The following AFF3 variants were observed in gnomAD, a reference collection of about 807,000 sequenced individuals.
The protein encoded by AFF3 is AF4/FMR2 family member 3.
In AFF3, 32 loss-of-function variants were observed where a neutral mutation model predicts 129.7. The observed-to-expected ratio is 0.25, with a 90% CI of 0.19 to 0.33. The LOEUF is 0.33. Ranked by LOEUF, AFF3 falls within the 10% of genes least tolerant of loss-of-function variation. The pLI is 1.00. For missense variants in AFF3, 1,373 were observed against 1,592.0 expected, an observed-to-expected ratio of 0.86 and a Z score of 2.34; for synonymous variants, 644 against 635.4, an observed-to-expected ratio of 1.01 and a Z score of -0.20.
chr2:100,124,567 G>A (rs2105567233), intron 2 of AFF3, among the ~76,000 whole-genome samples: 1 of 151,946 alleles, frequency 6.6e-6, no homozygotes, highest in South Asian at 2.1e-4. Flanking sequence ...AGCAAATTGT[G>A]GTTCCAATCC....
intron 4 of AFF3, among the ~76,000 whole-genome samples, chr2:100,049,849 C>G (rs1384440643): frequency 6.6e-6 from 1 of 152,126 alleles, no homozygotes; most frequent in Non-Finnish European, 1.5e-5. Context: ...TCTTACACCC[C>G]AAACTTCAAG....
chr2:100,023,787 T>A (rs180967108), intron 4 of AFF3, among the ~76,000 whole-genome samples: 3 of 152,228 alleles, frequency 2.0e-5, no homozygotes, highest in Admixed American at 2.0e-4. Flanking sequence ...TAAAATATCA[T>A]CAATACCTAA....
intron 8 of AFF3, among the ~76,000 whole-genome samples, chr2:99,765,002 T>A (rs1682895052): frequency 6.6e-6 from 1 of 152,204 alleles, no homozygotes; most frequent in South Asian, 2.1e-4. Context: ...CACTGCGTCA[T>A]TTCTGAGCCA....
In AFF3 at chr2:99,738,603, T is replaced by C. The variant is rs898375875; in HGVS notation, c.1039+5501A>G. On this transcript the variant is annotated intron_variant, in intron 10 of 24. Transcript: ENST00000672756. ...TCTTTCTTTTTGGCGTCACTGGTTA[T>C]ATATTCATATTTTTAAATAAAAAAT... Among the ~76,000 whole-genome samples the C allele has an allele frequency of 5.9e-5, 9 of 152,296 alleles. No individual in the cohort carries two copies. The East Asian group carries it at 1.2e-3, about 20-fold the overall frequency.
intron 4 of AFF3, among the ~76,000 whole-genome samples, chr2:100,103,709 G>A (rs1344048100): frequency 1.3e-5 from 2 of 152,066 alleles, no homozygotes; most frequent in South Asian, 2.1e-4. Context: ...GTGGCATAAA[G>A]GGATACCCGG....
chr2:99,774,565 T>TC (rs893404415), intron 8 of AFF3, among the ~76,000 whole-genome samples: 127 of 152,070 alleles, frequency 8.4e-4, no homozygotes, highest in African/African-American at 3.0e-3. Context: ...CTGGACCCCT[T>TC]CCTTACACCA....
At chr2:99,670,813 A>G (rs1369253666) in intron 12 of AFF3, among the ~76,000 whole-genome samples, 1 of 152,228 alleles carries the variant, frequency 6.6e-6, no homozygotes, top group East Asian at 1.9e-4. Flanking sequence ...TCATTCTGTC[A>G]GTTCCTTTTA....
chr2:99,568,783 T>C, intron 19 of AFF3, 69 bp downstream of exon 19: 1 of 1,431,492 alleles, frequency 7.0e-7, no homozygotes, highest in Non-Finnish European at 9.9e-7. Context: ...CCAGCTATAT[T>C]GTCCCAGTGA....
Position 99,607,766 on chromosome 2 carries a change from A to G in AFF3, c.1185-6145T>C, listed in dbSNP as rs950804204. Among the ~76,000 whole-genome samples, 6 of 152,238 alleles carry G rather than the reference A, an allele frequency of 3.9e-5. No homozygotes were observed. The East Asian group carries it at 1.2e-3, about 29-fold the overall frequency. ...TGGGCACTCCACTGGGATTGACTGA[A>G]TAACAATGTTTGCTCCTCCTCTTCA... On this transcript the variant is annotated intron_variant, in intron 13 of 24. Transcript: ENST00000672756.
intron 11 of AFF3, among the ~76,000 whole-genome samples, chr2:99,705,799 A>G (rs1378373361): frequency 7.0e-6 from 1 of 142,624 alleles, no homozygotes; most frequent in Admixed American, 7.6e-5. Flanking sequence ...ACTTGAACCC[A>G]GGAGGCGGAG....
At chr2:99,560,338 C>T (rs1314333634) in intron 21 of AFF3, 27 bp downstream of exon 21, 1 of 1,611,862 alleles carries the variant, frequency 6.2e-7, no homozygotes, top group Admixed American at 1.7e-5. Context: ...GCTGGGGCTG[C>T]TATTCTAAGC....
At chr2:99,987,455 G>C (rs142971598) in intron 7 of AFF3, among the ~76,000 whole-genome samples, 107 of 152,274 alleles carry the variant, frequency 7.0e-4, no homozygotes, top group Middle Eastern at 3.4e-3. Context: ...CTCCTGTAAT[G>C]CCAGTCTGAG....
intron 7 of AFF3, among the ~76,000 whole-genome samples, chr2:99,857,462 T>C (rs886946702): frequency 1.3e-5 from 2 of 152,268 alleles, no homozygotes; most frequent in Admixed American, 1.3e-4. Flanking sequence ...ACTACAGGGC[T>C]GTTTATTTCA....
At chr2:100,001,661 CGTGAT>C (rs1681429771) in intron 7 of AFF3, among the ~76,000 whole-genome samples, 1 of 152,164 alleles carries the variant, frequency 6.6e-6, no homozygotes, top group Admixed American at 6.5e-5. Context: ...CTCCTGACCT[CGTGAT>C]CCACCCGCCT....
At chr2:100,094,417 C>A (rs1376666054) in intron 4 of AFF3, among the ~76,000 whole-genome samples, 1 of 152,110 alleles carries the variant, frequency 6.6e-6, no homozygotes, top group African/African-American at 2.4e-5. Flanking sequence ...CCCACACATG[C>A]TCGGTTCACT....
chr2:99,615,111 C>A (rs1681286245), intron 13 of AFF3, among the ~76,000 whole-genome samples: 1 of 152,226 alleles, frequency 6.6e-6, no homozygotes, highest in Non-Finnish European at 1.5e-5. Context: ...GGGCAGAGCC[C>A]TCTAGCCTGT....
intron 4 of AFF3, among the ~76,000 whole-genome samples, chr2:100,021,269 G>C (rs2104870177): frequency 6.6e-6 from 1 of 152,312 alleles, no homozygotes; most frequent in Admixed American, 6.5e-5. Context: ...CTATCAAACT[G>C]TATCCTCAGC....
At chr2:99,552,685 A>T (rs989113891) in intron 24 of AFF3, among the ~76,000 whole-genome samples, 8 of 152,146 alleles carry the variant, frequency 5.3e-5, no homozygotes, top group African/African-American at 1.9e-4. Context: ...GCAGGGATCC[A>T]GGGGTAGAAC....
intron 2 of AFF3, among the ~76,000 whole-genome samples, chr2:100,119,811 A>G (rs905478191): frequency 1.3e-4 from 20 of 152,232 alleles, no homozygotes; most frequent in African/African-American, 3.9e-4. Context: ...CCCACATAGA[A>G]TACTTGCCTG....
Sources: allele counts gnomAD v4.1 joint callset (sites outside exome capture counted in the v4.1 genomes callset), GRCh38; gene constraint gnomAD v4.1.1; transcripts MANE v1.5; gene names NCBI Gene and HGNC (gene_info 2026-07-23, HGNC 2026-07-21).